MEF2C: variants seen among roughly 807,000 people sequenced by gnomAD.
The protein encoded by MEF2C is myocyte enhancer factor 2C.
In MEF2C, 6 loss-of-function variants were observed where a neutral mutation model predicts 50.5. The observed-to-expected ratio is 0.12, with a 90% CI of 0.07 to 0.23. The LOEUF (loss-of-function observed/expected upper bound fraction) is 0.23. MEF2C is among the 10% of genes least tolerant of loss of function. MEF2C has a pLI of 1.00. For synonymous variants in MEF2C, 183 were observed against 228.0 expected (o/e 0.80, Z 1.78); for missense variants, 276 against 605.0 (o/e 0.46, Z 5.70).
At chr5:88,837,074 G>A (rs1196619663) in intron 1 of MEF2C, among the ~76,000 whole-genome samples, 1 of 149,310 alleles carries the variant, frequency 6.7e-6, no homozygotes, top group Non-Finnish European at 1.5e-5. Flanking sequence ...ATTTGTTATA[G>A]GACTTTTCAT....
At chr5:88,887,242 T>C (rs1834117431), upstream of MEF2C, 1 of 152,218 alleles carries the variant, frequency 6.6e-6, no homozygotes, top group Admixed American at 6.5e-5. Context: ...CTAATTATAG[T>C]ATTGATGATA....
At chr5:88,804,338 G>C (rs1799497593) in intron 3 of MEF2C, among the ~76,000 whole-genome samples, 1 of 152,206 alleles carries the variant, frequency 6.6e-6, no homozygotes, top group South Asian at 2.1e-4. Flanking sequence ...TGCCAAAGAT[G>C]AAGCAAATAG....
chr5:88,848,675 A>G (rs918786067), intron 1 of MEF2C, among the ~76,000 whole-genome samples: 7 of 152,292 alleles, frequency 4.6e-5, no homozygotes, highest in African/African-American at 1.4e-4. Flanking sequence ...TTGGTAAAAA[A>G]ATTGACACTC....
intron 1 of MEF2C, among the ~76,000 whole-genome samples, chr5:88,870,505 C>T (rs143893071): frequency 6.6e-6 from 1 of 152,064 alleles, no homozygotes; most frequent in East Asian, 1.9e-4. Flanking sequence ...AGTGGAAAAA[C>T]GCACATGGAT....
chr5:88,772,235 T>C (rs1246153488), intron 3 of MEF2C: 1 of 152,262 alleles, frequency 6.6e-6, no homozygotes, highest in Non-Finnish European at 1.5e-5. Context: ...TGGCAACTGA[T>C]TGACTTATGT....
At chr5:88,764,437 C>T (rs1239701162) in intron 3 of MEF2C, among the ~76,000 whole-genome samples, 3 of 152,126 alleles carry the variant, frequency 2.0e-5, no homozygotes, top group Non-Finnish European at 2.9e-5. Context: ...TTTTCCCACC[C>T]GTGTGAAGTG....
At chr5:88,901,031 T>A (rs1345751722) in intron 1 of MEF2C, among the ~76,000 whole-genome samples, 1 of 152,068 alleles carries the variant, frequency 6.6e-6, no homozygotes, top group Non-Finnish European at 1.5e-5. Flanking sequence ...GGACACAGAC[T>A]TGTAACATAT....
intron 6 of MEF2C, chr5:88,737,322 C>T (rs912260311): frequency 1.8e-5 from 18 of 985,312 alleles, no homozygotes; most frequent in Admixed American, 6.1e-5. Flanking sequence ...TGTAAGTGCC[C>T]ACCTACTAAA....
At chr5:88,854,142 G>C (rs1467492063) in intron 1 of MEF2C, among the ~76,000 whole-genome samples, 4 of 152,154 alleles carry the variant, frequency 2.6e-5, no homozygotes, top group Admixed American at 6.5e-5. Flanking sequence ...TTTTTGGTGA[G>C]ACCAAAGCTT....
chr5:88,824,239 T>A, intron 1 of MEF2C: 4 of 967,408 alleles, frequency 4.1e-6, no homozygotes, highest in Non-Finnish European at 4.9e-6. Context: ...ATCTTTTTAA[T>A]GAAATTAGGT....
intron 1 of MEF2C, among the ~76,000 whole-genome samples, chr5:88,854,549 C>G (rs1413216645): frequency 6.6e-6 from 1 of 152,166 alleles, no homozygotes; most frequent in Non-Finnish European, 1.5e-5. Flanking sequence ...GGAAATACTT[C>G]ATCAACTACT....
chr5:88,806,611 T>C (rs556508227), intron 2 of MEF2C, among the ~76,000 whole-genome samples: 1 of 152,308 alleles, frequency 6.6e-6, no homozygotes, highest in East Asian at 1.9e-4. Context: ...GACCTCCCAG[T>C]CTCCTCATTC....
At chr5:88,825,556 TAAAA>T in intron 1 of MEF2C, 1 of 979,830 alleles carries the variant, frequency 1.0e-6, no homozygotes, top group Non-Finnish European at 1.2e-6. Flanking sequence ...CAAATACATA[TAAAA>T]ATAGTTATAA....
intron 3 of MEF2C, among the ~76,000 whole-genome samples, chr5:88,762,219 G>T (rs1267380900): frequency 1.3e-5 from 2 of 152,206 alleles, no homozygotes; most frequent in Non-Finnish European, 1.5e-5. Context: ...TGTCACAGAA[G>T]AATAAATACT....
chr5:88,872,665 G>T (rs998505806), intron 1 of MEF2C, among the ~76,000 whole-genome samples: 3 of 151,898 alleles, frequency 2.0e-5, no homozygotes, highest in African/African-American at 7.3e-5. Flanking sequence ...CTATGTATCT[G>T]CATTACGGTT....
chr5:88,811,104 T>C (rs904182528), intron 2 of MEF2C, among the ~76,000 whole-genome samples: 2 of 152,120 alleles, frequency 1.3e-5, no homozygotes, highest in African/African-American at 4.8e-5. Flanking sequence ...GCATATTCAG[T>C]TCTGAGGGTG....
At chr5:88,876,657 G>A (rs1831155439) in intron 1 of MEF2C, among the ~76,000 whole-genome samples, 1 of 151,736 alleles carries the variant, frequency 6.6e-6, no homozygotes, top group African/African-American at 2.4e-5. Flanking sequence ...GCCTGTCTTC[G>A]GGGTTTGGGG....
chr5:88,902,331 C>T (rs1173018404), intron 1 of MEF2C, among the ~76,000 whole-genome samples: 4 of 151,778 alleles, frequency 2.6e-5, no homozygotes, highest in African/African-American at 9.7e-5. Context: ...GCAATAAATA[C>T]ACATATATTT....
intron 3 of MEF2C, among the ~76,000 whole-genome samples, chr5:88,798,180 T>G (rs1796794619): frequency 6.6e-6 from 1 of 152,200 alleles, no homozygotes; most frequent in African/African-American, 2.4e-5. Flanking sequence ...ATTTGAATGT[T>G]GGCCTGTCTT....
Sources: allele counts gnomAD v4.1 joint callset (sites outside exome capture counted in the v4.1 genomes callset), GRCh38; gene constraint gnomAD v4.1.1; transcripts MANE v1.5; gene names NCBI Gene and HGNC (gene_info 2026-07-23, HGNC 2026-07-21).